Variants in DDAH1 observed in about 807,000 individuals in gnomAD.
The protein encoded by DDAH1 is dimethylarginine dimethylaminohydrolase 1, also known as N(G),N(G)-dimethylarginine dimethylaminohydrolase 1.
In DDAH1, 19 loss-of-function variants were observed where a neutral mutation model predicts 28.8. The observed-to-expected ratio is 0.66, with a 90% CI of 0.46 to 0.97. The LOEUF (loss-of-function observed/expected upper bound fraction) is 0.97. DDAH1 is among the 50% of genes least tolerant of loss of function. DDAH1 has a pLI of 0.00. For missense variants in DDAH1, 326 were observed against 375.9 expected (o/e 0.87, Z 1.10); for synonymous variants, 153 against 154.4 (o/e 0.99, Z 0.07).
In DDAH1 at chr1:85,358,812, C is replaced by T; in HGVS notation, c.339G>A (p.Gln113=). 1 of 1,611,176 alleles carries T rather than the reference C, an allele frequency of 6.2e-7. No individual in the cohort carries two copies. The highest frequency in any genetic ancestry group is 8.5e-7 in the Non-Finnish European group (1 of 1,179,060). The stretch of plus-strand genomic sequence containing the variant: ...CATCTTTCATCTCTACTATATTGAG[C>T]TGAAGTTTTTCTAATGCTTCTTTCA... ...DMMKEALEKL[Q]LNIVEMKDEN... is the part of the protein sequence containing the mutation. The change falls in exon 2 of 6, where the codon CAG becomes CAA. Residue 113 remains glutamine, a synonymous_variant. Coordinates refer to ENST00000284031, the MANE Select transcript of DDAH1 (RefSeq NM_012137.4).
chr1:85,503,646 A>G (rs567971906), intron 1 of DDAH1, among the ~76,000 whole-genome samples: 15 of 152,294 alleles, frequency 9.8e-5, no homozygotes, highest in African/African-American at 3.4e-4. Context: ...CTTGGAATAC[A>G]AGATAGACAA....
chr1:85,385,621 G>C (rs1047305167), intron 1 of DDAH1, among the ~76,000 whole-genome samples: 4 of 152,154 alleles, frequency 2.6e-5, no homozygotes, highest in African/African-American at 9.7e-5. Flanking sequence ...GTATAGGAGA[G>C]CAGCTGAGCT....
At chr1:85,558,512 A>G (rs963615329) in intron 1 of DDAH1, among the ~76,000 whole-genome samples, 3 of 152,210 alleles carry the variant, frequency 2.0e-5, no homozygotes, top group African/African-American at 7.2e-5. Flanking sequence ...CAACTCCATT[A>G]TCACAAAATG....
At chr1:85,530,282 C>A (rs1214042933) in intron 1 of DDAH1, among the ~76,000 whole-genome samples, 1 of 152,210 alleles carries the variant, frequency 6.6e-6, no homozygotes, top group Admixed American at 6.5e-5. Context: ...ATATACTAAT[C>A]ATCCTCCTTC....
intron 4 of DDAH1, among the ~76,000 whole-genome samples, chr1:85,332,508 C>A (rs1022785144): frequency 6.6e-6 from 1 of 152,224 alleles, no homozygotes; most frequent in Admixed American, 6.5e-5. Flanking sequence ...CCTGAGCAAA[C>A]CGTCTGGGGC....
intron 1 of DDAH1, among the ~76,000 whole-genome samples, chr1:85,451,183 C>T (rs769762784): frequency 1.3e-5 from 2 of 152,148 alleles, no homozygotes; most frequent in Non-Finnish European, 2.9e-5. Context: ...CAATGAATGC[C>T]AACTGCTGGA....
chr1:85,566,786 G>C (rs945202926), intron 1 of DDAH1, among the ~76,000 whole-genome samples: 1 of 152,146 alleles, frequency 6.6e-6, no homozygotes, highest in African/African-American at 2.4e-5. Flanking sequence ...GTGTGTGTGT[G>C]TGTACATGTG....
intron 1 of DDAH1, among the ~76,000 whole-genome samples, chr1:85,448,933 T>C (rs978292551): frequency 1.3e-5 from 2 of 152,202 alleles, no homozygotes; most frequent in African/African-American, 4.8e-5. Flanking sequence ...TAGCATTTAA[T>C]TGATAAGCTA....
intron 4 of DDAH1, among the ~76,000 whole-genome samples, chr1:85,334,487 G>A (rs972061379): frequency 6.6e-6 from 1 of 152,206 alleles, no homozygotes; most frequent in Non-Finnish European, 1.5e-5. Flanking sequence ...AATGTTGGGG[G>A]AGGGACCCGG....
intron 1 of DDAH1, among the ~76,000 whole-genome samples, chr1:85,401,996 T>A (rs901421536): frequency 9.9e-5 from 15 of 152,180 alleles, no homozygotes; most frequent in African/African-American, 3.1e-4. Flanking sequence ...CTTTAATTAA[T>A]TTTTTTAGAG....
intron 1 of DDAH1, among the ~76,000 whole-genome samples, chr1:85,533,934 A>G (rs1658177851): frequency 6.6e-6 from 1 of 152,244 alleles, no homozygotes. Flanking sequence ...TGGAGAAGGT[A>G]AATTAAACAA....
Position 85,321,438 on chromosome 1 carries a change from G to A in DDAH1, c.*14C>T, listed in dbSNP as rs1661338187. On this transcript the variant is annotated 3_prime_UTR_variant, in exon 6 of 6. Coordinates refer to ENST00000284031, the MANE Select transcript of DDAH1 (RefSeq NM_012137.4). The stretch of plus-strand genomic sequence containing the variant: ...CTGTGCGGTCTTGCCGGCTACCGGG[G>A]GGGACTCTGCAGCTCAGGAGTCTAC... The A allele has an allele frequency of 6.3e-7, 1 of 1,583,664 alleles. No homozygotes were observed. Among genetic ancestry groups the A allele is most frequent in the Non-Finnish European group, 8.7e-7 (1 of 1,152,578 alleles).
At chr1:85,569,708 T>C (rs1659397734) in intron 1 of DDAH1, among the ~76,000 whole-genome samples, 1 of 152,192 alleles carries the variant, frequency 6.6e-6, no homozygotes, top group Admixed American at 6.5e-5. Context: ...TTGCTTCTCC[T>C]GAACTGGGAC....
chr1:85,506,376 GTT>G (rs920441402), intron 1 of DDAH1, among the ~76,000 whole-genome samples: 1 of 152,106 alleles, frequency 6.6e-6, no homozygotes, highest in Non-Finnish European at 1.5e-5. Flanking sequence ...TTCTGCAGCA[GTT>G]TTTTTAAAAA....
rs1003232161 is a variant in DDAH1 at position 85,505,008 on chromosome 1, G to T, written c.-122-8727C>A. Among the ~76,000 whole-genome samples the T allele has an allele frequency of 3.7e-5, 3 of 81,278 alleles. 1 individual carries two copies. Among genetic ancestry groups the T allele is most frequent in the Admixed American group, 2.0e-4 (1 of 4,880 alleles). 53.3% of individuals were successfully genotyped at this position (81,278 alleles called of 152,430 possible). On this transcript the variant is annotated intron_variant, in intron 1 of 6. Transcript: ENST00000426972. ...TTTTTTTTTTTTTTTTTTTTGAGAC[G>T]GAGTTTCACTCTTGTTGCCCAGGCT... is the stretch of plus-strand genomic sequence containing the variant.
intron 2 of DDAH1, among the ~76,000 whole-genome samples, chr1:85,473,836 A>ACATGCTTC (rs1189428619): frequency 6.6e-6 from 1 of 152,148 alleles, no homozygotes; most frequent in Non-Finnish European, 1.5e-5. Context: ...TTCCAACTTT[A>ACATGCTTC]CATGCTTCCT....
intron 1 of DDAH1, among the ~76,000 whole-genome samples, chr1:85,461,965 C>T (rs1047932334): frequency 6.6e-6 from 1 of 152,112 alleles, no homozygotes; most frequent in Non-Finnish European, 1.5e-5. Flanking sequence ...TAACCCTGGC[C>T]AATTTATTTA....
chr1:85,339,659 G>A (rs1433764258), intron 4 of DDAH1, among the ~76,000 whole-genome samples: 1 of 152,084 alleles, frequency 6.6e-6, no homozygotes, highest in African/African-American at 2.4e-5. Context: ...CATGTAGTGG[G>A]GAAGTTTTCC....
intron 4 of DDAH1, 76 bp from the exon 5 acceptor site, chr1:85,324,959 G>C (rs938818588): frequency 6.4e-7 from 1 of 1,554,972 alleles, no homozygotes; most frequent in Admixed American, 1.7e-5. Flanking sequence ...AGTGTGGTAG[G>C]ATACAAGCTT....
Sources: allele counts gnomAD v4.1 joint callset (sites outside exome capture counted in the v4.1 genomes callset), GRCh38; gene constraint gnomAD v4.1.1; transcripts MANE v1.5; gene names NCBI Gene and HGNC (gene_info 2026-07-23, HGNC 2026-07-21).